The following DOP1B variants were observed in gnomAD, a reference collection of about 807,000 sequenced individuals.
DOP1B encodes the protein protein DOP1B.
Under a neutral mutation model 233.5 loss-of-function variants are expected in DOP1B, and 174 were observed. The ratio of observed to expected loss-of-function variants is 0.75; its 90% CI spans 0.66 to 0.85. The LOEUF is 0.85. Among genes scored for constraint, DOP1B ranks in the 40% least tolerant of loss-of-function variants. The pLI is 0.00. For missense variants in DOP1B, 2,652 were observed against 2,846.6 expected, an observed-to-expected ratio of 0.93 and a Z score of 1.56; for synonymous variants, 1,190 against 1,185.6, an observed-to-expected ratio of 1.00 and a Z score of -0.08.
chr21:36,159,942 A>G (rs2065855247), intron 1 of DOP1B, among the ~76,000 whole-genome samples: 2 of 152,208 alleles, frequency 1.3e-5, no homozygotes, highest in African/African-American at 4.8e-5. Flanking sequence ...CGTGTCCCAC[A>G]TTAAACTGAA....
chr21:36,199,949 C>T (rs2066342081), intron 3 of DOP1B, among the ~76,000 whole-genome samples: 1 of 152,116 alleles, frequency 6.6e-6, no homozygotes, highest in South Asian at 2.1e-4. Flanking sequence ...TGGGTATATA[C>T]CCAGTAACGG....
chr21:36,198,592 G>A (rs891506974), intron 2 of DOP1B, among the ~76,000 whole-genome samples: 1 of 152,176 alleles, frequency 6.6e-6, no homozygotes, highest in African/African-American at 2.4e-5. Context: ...TCCCGCAGAC[G>A]TGTCGTGTAT....
At chr21:36,222,084 C>T (rs1164375662) in intron 10 of DOP1B, among the ~76,000 whole-genome samples, 1 of 151,980 alleles carries the variant, frequency 6.6e-6, no homozygotes, top group East Asian at 1.9e-4. Flanking sequence ...GTTTGCCAGG[C>T]TGGTCTCAAA....
chr21:36,208,333 G>A (rs1392372451), intron 4 of DOP1B, among the ~76,000 whole-genome samples: 4 of 152,162 alleles, frequency 2.6e-5, no homozygotes, highest in Admixed American at 6.6e-5. Context: ...GGCTCCTTCC[G>A]CTTTTCTGTG....
intron 2 of DOP1B, chr21:36,170,427 C>T: frequency 5.3e-6 from 1 of 188,120 alleles, no homozygotes; most frequent in Non-Finnish European, 1.1e-5. Flanking sequence ...GAAACCCCAT[C>T]TCTACTAAAA....
chr21:36,244,975 A>G, intron 18 of DOP1B, 73 bp from the exon 19 acceptor site: 1 of 1,459,508 alleles, frequency 6.9e-7, no homozygotes, highest in Non-Finnish European at 9.2e-7. Context: ...CTTTAAGACA[A>G]AGACCGCCCT....
At chr21:36,275,140 C>T (rs9980084) in intron 27 of DOP1B, among the ~76,000 whole-genome samples, 4 of 152,008 alleles carry the variant, frequency 2.6e-5, no homozygotes, top group Admixed American at 1.3e-4. Flanking sequence ...CCACTGCACC[C>T]GGCCTGATTT....
At chr21:36,214,638 C>A in intron 9 of DOP1B, 82 bp downstream of exon 9, 1 of 1,167,216 alleles carries the variant, frequency 8.6e-7, no homozygotes, top group Non-Finnish European at 1.2e-6. Context: ...TGAGATACAA[C>A]CAAAGCGTTA....
intron 33 of DOP1B, among the ~76,000 whole-genome samples, 183 bp downstream of exon 33, chr21:36,288,333 C>A (rs1486288584): frequency 6.6e-6 from 1 of 152,170 alleles, no homozygotes; most frequent in African/African-American, 2.4e-5. Flanking sequence ...CATATTTGAT[C>A]TCTCACCCTG....
rs905179400 is a variant in DOP1B at position 36,177,251 on chromosome 21, A to G, written c.138+12380A>G. ...TATCTGAAGGAGCTGAGGGTGTTCA[A>G]GAGCACTGCTACCCCAGGCTTCACA... is the stretch of plus-strand genomic sequence containing the variant. On this transcript the variant is annotated intron_variant, in intron 2 of 36. Transcript: ENST00000691173. 5.3e-5 allele frequency among the ~76,000 whole-genome samples: 8 copies of G among 152,288 alleles called. No homozygotes were observed. The South Asian group carries it at 1.7e-3, about 32-fold the overall frequency.
At chr21:36,255,684 G>A (rs547565352) in intron 23 of DOP1B, among the ~76,000 whole-genome samples, 126 of 152,054 alleles carry the variant, frequency 8.3e-4, no homozygotes, top group Non-Finnish European at 4.0e-4. Context: ...CTCCTGCCTC[G>A]GCCTCCCAAA....
chr21:36,214,282 G>T, intron 8 of DOP1B, 92 bp downstream of exon 8: 1 of 1,289,290 alleles, frequency 7.8e-7, no homozygotes, highest in Non-Finnish European at 1.1e-6. Flanking sequence ...CAGTGAGCAC[G>T]TTCCTTGGCC....
intron 9 of DOP1B, among the ~76,000 whole-genome samples, chr21:36,217,628 G>A (rs2066575778): frequency 1.3e-5 from 2 of 152,194 alleles, no homozygotes; most frequent in South Asian, 4.1e-4. Flanking sequence ...GAAAGTCCAA[G>A]TATGAAGCTT....
chr21:36,252,351 G>T (rs942795973), intron 22 of DOP1B, among the ~76,000 whole-genome samples: 5 of 150,792 alleles, frequency 3.3e-5, no homozygotes, highest in African/African-American at 1.2e-4. Context: ...CTAGTTACTT[G>T]GGAGGCTGAG....
At chr21:36,162,797 G>A (rs897363774) in intron 1 of DOP1B, among the ~76,000 whole-genome samples, 1 of 151,986 alleles carries the variant, frequency 6.6e-6, no homozygotes, top group Admixed American at 6.6e-5. Context: ...TGCCCGCCTT[G>A]GCCTCTCAAA....
intron 18 of DOP1B, among the ~76,000 whole-genome samples, chr21:36,241,693 C>CTTTTTTTTTTTTTTTTTTTT (rs58454212): frequency 1.9e-5 from 2 of 105,550 alleles, no homozygotes; most frequent in African/African-American, 7.4e-5. Flanking sequence ...TTCTTTCTTT[C>CTTTTTTTTTTTTTTTTTTTT]TTTTTTTTTT....
At chr21:36,202,060 G>A (rs1359579109) in intron 4 of DOP1B, among the ~76,000 whole-genome samples, 4 of 152,180 alleles carry the variant, frequency 2.6e-5, no homozygotes, top group East Asian at 1.9e-4. Flanking sequence ...GGTGGTGTGC[G>A]CCTGTAATCC....
chr21:36,278,206 CAG>C lies in DOP1B; in HGVS notation c.5823-2_5823-1del. The C allele has an allele frequency of 6.2e-7, 1 of 1,613,874 alleles. No homozygotes were observed. The highest frequency in any genetic ancestry group is 8.5e-7 in the Non-Finnish European group (1 of 1,179,868). Reference sequence around the variant, plus strand: ...ACCCTTCTCTCTTCCCACTCCCACTCAGTGCCTACAATGCTCCCAGCTTCCGG... The same window carrying C: ...ACCCTTCTCTCTTCCCACTCCCACTCTGCCTACAATGCTCCCAGCTTCCGG... On this transcript the variant is annotated splice_acceptor_variant, in intron 29 of 36. Coordinates refer to ENST00000691173, the MANE Select transcript of DOP1B (RefSeq NM_001320714.2). LOFTEE classifies it high-confidence loss of function.
At chr21:36,254,027 A>G in intron 23 of DOP1B, 118 bp downstream of exon 23, 1 of 1,332,856 alleles carries the variant, frequency 7.5e-7, no homozygotes, top group Admixed American at 2.4e-5. Flanking sequence ...AGCTAGTGGG[A>G]ATGCTTGGGG....
Sources: gnomAD v4.1 joint callset for allele counts (sites outside exome capture counted in the v4.1 genomes callset) on GRCh38, gnomAD v4.1.1 for gene constraint, MANE v1.5 for transcripts, NCBI Gene and HGNC (gene_info 2026-07-23, HGNC 2026-07-21) for gene names.